Variants in ATP12A observed in about 807,000 individuals in gnomAD.
ATP12A encodes ATPase H+/K+ transporting non-gastric alpha2 subunit, also known as potassium-transporting ATPase alpha chain 2.
Under a neutral mutation model 111.2 loss-of-function variants are expected in ATP12A, and 81 were observed. The ratio of observed to expected loss-of-function variants is 0.73; its 90% CI spans 0.61 to 0.88. The LOEUF (loss-of-function observed/expected upper bound fraction) is 0.88. Ranked by LOEUF, ATP12A falls within the 40% of genes least tolerant of loss-of-function variation. The probability of loss-of-function intolerance (pLI) is 0.00; values close to 1 mark genes in which losing one functional copy is unlikely to be tolerated. For synonymous variants in ATP12A, 498 were observed against 499.8 expected (o/e 1.00, Z 0.05); for missense variants, 1,196 against 1,313.1 (o/e 0.91, Z 1.38).
rs1471418311 is a variant in ATP12A at position 24,685,918 on chromosome 13, C to A, written c.228+545C>A. On this transcript the variant is annotated intron_variant, in intron 3 of 22. Coordinates refer to ENST00000381946, the MANE Select transcript of ATP12A (RefSeq NM_001676.7). This position sits in a 1 kb window ranked among gnomAD's most constrained non-coding sequence, Gnocchi z 5.5. ...GGGACAGGTGCAGCAGGAATGAAGC[C>A]AGGAAGGTCATCTGGGTGAAGCTGT... Among the ~76,000 whole-genome samples, 1 of 152,114 alleles carries A rather than the reference C, an allele frequency of 6.6e-6. No individual in the cohort carries two copies. The highest frequency in any genetic ancestry group is 1.5e-5 in the Non-Finnish European group (1 of 68,028).
chr13:24,683,146 C>T (rs1459401894), intron 2 of ATP12A, among the ~76,000 whole-genome samples: 7 of 152,022 alleles, frequency 4.6e-5, no homozygotes, highest in East Asian at 1.9e-4. Flanking sequence ...TTAGTAGAGA[C>T]GGGGTTTCCC....
chr13:24,680,889 C>A, intron 1 of ATP12A, 137 bp downstream of exon 1: 1 of 1,327,088 alleles, frequency 7.5e-7, no homozygotes, highest in South Asian at 1.8e-5. Flanking sequence ...GGCCGCCTTT[C>A]CTCTGAGCGC....
Position 24,691,481 on chromosome 13 carries a change from A to T in ATP12A, c.1068+231A>T, listed in dbSNP as rs182959435. ...TGAAAACGTTATGCTTTCAATCTGC[A>T]ATTCACACAGCTTACTCTGCCCCAT... On this transcript the variant is annotated intron_variant, in intron 8 of 22. Coordinates refer to ENST00000381946, the MANE Select transcript of ATP12A (RefSeq NM_001676.7). 1.9e-4 allele frequency among the ~76,000 whole-genome samples: 29 copies of T among 152,332 alleles called. 1 individual carries two copies. In the East Asian group the frequency reaches 5.6e-3, roughly 29 times the overall value.
rs141275215 is a variant in ATP12A, at chr13:24,690,378, C to A, written c.587C>A (p.Pro196His). The A allele has an allele frequency of 1.5e-3, 2,467 of 1,613,456 alleles. 1 individual carries two copies. The highest frequency in any genetic ancestry group is 3.8e-3 in the Middle Eastern group (23 of 6,062). Reference sequence around the variant, plus strand: ...CGAGATTCCGAGAAGAAGACCATCCCTTCAGAGCAGCTGGTGGTGGGGGAC... The same window carrying A: ...CGAGATTCCGAGAAGAAGACCATCCATTCAGAGCAGCTGGTGGTGGGGGAC... ...VIRDSEKKTIPSEQLVVGDIV... is the reference protein window; with the variant it reads ...VIRDSEKKTIHSEQLVVGDIV... Residue 196 changes from proline (P) to histidine (H), a missense_variant, in exon 6 of 23, where the codon CCT becomes CAT. Physicochemically the swap from Pro to His is moderately conservative, Grantham distance 77. Coordinates refer to ENST00000381946, the MANE Select transcript of ATP12A (RefSeq NM_001676.7).
intron 17 of ATP12A, 129 bp downstream of exon 17, chr13:24,707,562 G>A: frequency 8.0e-7 from 1 of 1,255,518 alleles, no homozygotes; most frequent in Non-Finnish European, 1.1e-6. Flanking sequence ...GGGGCCTGTA[G>A]CTCTGCATTT....
chr13:24,702,835 C>T (rs1377912577), intron 14 of ATP12A, among the ~76,000 whole-genome samples: 2 of 152,178 alleles, frequency 1.3e-5, no homozygotes, highest in African/African-American at 4.8e-5. Flanking sequence ...CCACACAAGG[C>T]TAGGGAGCTG....
At chr13:24,681,767 C>A (rs767250949) in intron 2 of ATP12A, 47 bp downstream of exon 2, 8 of 1,609,972 alleles carry the variant, frequency 5.0e-6, no homozygotes, top group African/African-American at 1.3e-5. Flanking sequence ...GGCCCTTCCC[C>A]GCAAGAGCTT....
chr13:24,691,400 G>A, intron 8 of ATP12A, 150 bp downstream of exon 8: 1 of 998,328 alleles, frequency 1.0e-6, no homozygotes, highest in Non-Finnish European at 1.4e-6. Flanking sequence ...TGCATAGACT[G>A]TTCCTTACAG....
rs763692857 is a variant in ATP12A, at chr13:24,701,920, T to C, written c.1882-15T>C. 85 of 1,614,068 alleles carry C rather than the reference T, an allele frequency of 5.3e-5. 2 individuals are homozygous for C. In the South Asian group the frequency reaches 9.3e-4, roughly 18 times the overall value. ...TCTTCATTACCCGTGGGCCTTCTCGTTGTCTTTGCTCTAGGTTATTATGGT... is the reference window on the plus strand; with the variant it reads ...TCTTCATTACCCGTGGGCCTTCTCGCTGTCTTTGCTCTAGGTTATTATGGT... On this transcript the variant is annotated splice_polypyrimidine_tract_variant and intron_variant, in intron 13 of 22. Transcript: ENST00000381946.
At chr13:24,682,900 T>G (rs543369501) in intron 2 of ATP12A, among the ~76,000 whole-genome samples, 1 of 151,980 alleles carries the variant, frequency 6.6e-6, no homozygotes, top group African/African-American at 2.4e-5. Context: ...ATTCACGTGC[T>G]TTAGGGGAGT....
At chr13:24,709,646 T>C in intron 18 of ATP12A, 37 bp from the exon 19 acceptor site, 1 of 1,608,670 alleles carries the variant, frequency 6.2e-7, no homozygotes, top group Non-Finnish European at 8.5e-7. Flanking sequence ...CCTGAGGCCA[T>C]CATAGAACCT....
At chr13:24,708,887 A>AAAGAAAG (rs1875791826) in intron 17 of ATP12A, among the ~76,000 whole-genome samples, 8 of 122,712 alleles carry the variant, frequency 6.5e-5, no homozygotes, top group Admixed American at 1.7e-4. Context: ...AGAGAGAAAG[A>AAAGAAAG]GAAAGAAAGA....
At position 24,709,725 on chromosome 13, in the gene ATP12A, T is replaced by C; in HGVS notation, c.2660T>C (p.Val887Ala). The change falls in exon 19 of 23, where the codon GTC (valine) becomes GCC (alanine). Residue 887 changes from valine (V) to alanine (A), a missense_variant. Transcript: ENST00000381946. ...ALGAFLVYFT[V>A]YAQEGFLPRT... The stretch of plus-strand genomic sequence containing the variant: ...GGAGCTTTCCTTGTGTATTTCACCG[T>C]CTATGCACAAGAGGGCTTTCTGCCC... The C allele has an allele frequency of 6.2e-7, 1 of 1,614,216 alleles. No individual in the cohort carries two copies. Among genetic ancestry groups the C allele is most frequent in the Non-Finnish European group, 8.5e-7 (1 of 1,180,042 alleles).
chr13:24,692,950 C>T (rs963983), intron 10 of ATP12A, 54 bp downstream of exon 10: 379,340 of 1,518,026 alleles, frequency 0.25, 51,373 homozygotes, highest in East Asian at 0.51. Flanking sequence ...TAGTCACTTG[C>T]TGAGGTCTGA....
Position 24,691,234 on chromosome 13 carries a change from T to A in ATP12A, c.1052T>A (p.Leu351His). 1 of 1,612,768 alleles carries A rather than the reference T, an allele frequency of 6.2e-7. No individual in the cohort carries two copies. The highest frequency in any genetic ancestry group is 8.5e-7 in the Non-Finnish European group (1 of 1,179,350). Residue 351 changes from leucine (L) to histidine (H), a missense_variant, in exon 8 of 23, where the codon CTC (leucine) becomes CAC (histidine). By Grantham distance (99) the Leu-to-His change is moderately conservative (BLOSUM62 -3). Transcript: ENST00000381946. ...ATTGTGGCCAATGTGCCCGAGGGCCTCCTGGCCACTGTCACTGTGAGTCCA... is the reference window on the plus strand; with the variant it reads ...ATTGTGGCCAATGTGCCCGAGGGCCACCTGGCCACTGTCACTGTGAGTCCA... ...GIIVANVPEG[L>H]LATVTVTLSL...
Position 24,711,732 on chromosome 13 carries a change from A to T in ATP12A, c.*210A>T, listed in dbSNP as rs1225735249. On this transcript the variant is annotated 3_prime_UTR_variant, in exon 23 of 23. Transcript: ENST00000381946. The stretch of plus-strand genomic sequence containing the variant: ...CTCTTTATATAGGATTTTCTTTTCT[A>T]TCTCCATCTCCTCATTAAAAAATAC... The T allele has an allele frequency of 1.6e-6, 1 of 622,846 alleles. No homozygotes were observed. Among genetic ancestry groups the T allele is most frequent in the Non-Finnish European group, 2.8e-6 (1 of 358,696 alleles). 38.6% of individuals were successfully genotyped at this position (622,846 alleles called of 1,614,324 possible). A position where few individuals can be genotyped will look rare whatever the true frequency, so the allele number is the denominator to read the frequency against.
At position 24,711,804 on chromosome 13, in the gene ATP12A, T is replaced by C. The variant is rs966165105; in HGVS notation, c.*282T>C. On this transcript the variant is annotated 3_prime_UTR_variant, in exon 23 of 23. Coordinates refer to ENST00000381946, the MANE Select transcript of ATP12A (RefSeq NM_001676.7). ...TAGGGAAGAATGTGTTTATGTGTATTTGAAACTCCTTGATGTTAATAGTCT... is the reference window on the plus strand; with the variant it reads ...TAGGGAAGAATGTGTTTATGTGTATCTGAAACTCCTTGATGTTAATAGTCT... The C allele has an allele frequency of 4.1e-6, 2 of 491,418 alleles. No individual in the cohort carries two copies. The highest frequency in any genetic ancestry group is 7.4e-6 in the Non-Finnish European group (2 of 271,508). 30.4% of individuals were successfully genotyped at this position (491,418 alleles called of 1,614,324 possible). A position where few individuals can be genotyped will look rare whatever the true frequency, so the allele number is the denominator to read the frequency against.
rs200289426 is a variant in ATP12A at position 24,698,657 on chromosome 13, G to A, written c.1513-1G>A. 1.6e-4 allele frequency: 252 copies of A among 1,612,778 alleles called. No individual in the cohort carries two copies. Among genetic ancestry groups the A allele is most frequent in the Non-Finnish European group, 2.0e-4 (235 of 1,179,890 alleles). On this transcript the variant is annotated splice_acceptor_variant, in intron 11 of 22. Coordinates refer to ENST00000381946, the MANE Select transcript of ATP12A (RefSeq NM_001676.7). LOFTEE classifies it high-confidence loss of function. ...AACACGCTCAGTTCATTCCTTCCCA[G>A]CTCTCCATCCACGAGATGGATGACC...
Position 24,707,053 on chromosome 13 carries a change from G to A in ATP12A, c.2200G>A (p.Val734Ile). ...DAVVAVTGDG[V>I]NDSPALKKAD... ...TGTTGTTGCTGTGACCGGGGATGGAGTTAATGACTCTCCGGCTCTAAAGAA... is the reference window on the plus strand; with the variant it reads ...TGTTGTTGCTGTGACCGGGGATGGAATTAATGACTCTCCGGCTCTAAAGAA... The change falls in exon 16 of 23, where the codon GTT becomes ATT. Residue 734 changes from valine (V) to isoleucine (I), a missense_variant. Around this residue, in one of 3 missense-constraint regions of ATP12A, gnomAD observed 1,126 missense variants for 1,228.5 expected, o/e 0.92. Coordinates refer to ENST00000381946, the MANE Select transcript of ATP12A (RefSeq NM_001676.7). 6.2e-7 allele frequency: 1 copy of A among 1,612,358 alleles called. No individual in the cohort carries two copies. Among genetic ancestry groups the A allele is most frequent in the Non-Finnish European group, 8.5e-7 (1 of 1,179,130 alleles).
Sources: allele counts gnomAD v4.1 joint callset (sites outside exome capture counted in the v4.1 genomes callset), GRCh38; gene constraint gnomAD v4.1.1; regional missense constraint gnomAD v4.1.1; non-coding constraint Gnocchi (gnomAD v3.1); transcripts MANE v1.5; gene names NCBI Gene and HGNC (gene_info 2026-07-23, HGNC 2026-07-21).